The following TCF12 variants were observed in gnomAD, a reference collection of about 807,000 sequenced individuals.
TCF12 encodes DNA-binding protein HTF4.
A neutral mutation model predicts 86.0 loss-of-function variants in TCF12; 45 were observed. That is an observed-to-expected ratio of 0.52 (90% confidence interval 0.41 to 0.67). The LOEUF is 0.67. Among genes scored for constraint, TCF12 ranks in the 30% least tolerant of loss-of-function variants. TCF12 has a pLI of 0.00. For missense variants in TCF12, 881 were observed against 859.9 expected (o/e 1.02, Z -0.31); for synonymous variants, 330 against 299.6 (o/e 1.10, Z -1.05).
At chr15:57,244,924 T>C (rs1380952276) in intron 13 of TCF12, among the ~76,000 whole-genome samples, 1 of 152,198 alleles carries the variant, frequency 6.6e-6, no homozygotes, top group Non-Finnish European at 1.5e-5. Context: ...TTTAATATCT[T>C]TTAAGCTATA....
chr15:57,251,474 T>G, intron 14 of TCF12, 51 bp downstream of exon 14: 1 of 1,574,836 alleles, frequency 6.3e-7, no homozygotes, highest in Non-Finnish European at 8.7e-7. Context: ...AGTTTGTTTG[T>G]TTTTGGTCAA....
At chr15:57,233,841 G>A (rs1270629475) in intron 11 of TCF12, among the ~76,000 whole-genome samples, 1 of 152,124 alleles carries the variant, frequency 6.6e-6, no homozygotes, top group East Asian at 1.9e-4. Flanking sequence ...AAGACAAGAA[G>A]CTTTTTTATT....
intron 3 of TCF12, among the ~76,000 whole-genome samples, chr15:57,044,302 C>T (rs1226348465): frequency 6.6e-6 from 1 of 152,078 alleles, no homozygotes; most frequent in Non-Finnish European, 1.5e-5. Flanking sequence ...TGGGTCACAC[C>T]TGTAATCCCA....
At chr15:57,097,546 A>G (rs1307892553) in intron 5 of TCF12, among the ~76,000 whole-genome samples, 1 of 152,050 alleles carries the variant, frequency 6.6e-6, no homozygotes, top group East Asian at 1.9e-4. Context: ...ATAAAAAATA[A>G]AAAAAGATAT....
intron 16 of TCF12, among the ~76,000 whole-genome samples, chr15:57,254,315 G>A (rs966614531): frequency 6.6e-6 from 1 of 152,132 alleles, no homozygotes; most frequent in South Asian, 2.1e-4. Context: ...CTGTAAGATA[G>A]GGTTGGTTCC....
At chr15:56,964,791 A>G (rs1433782354) in intron 3 of TCF12, among the ~76,000 whole-genome samples, 1 of 152,204 alleles carries the variant, frequency 6.6e-6, no homozygotes, top group Non-Finnish European at 1.5e-5. Flanking sequence ...ATACCTGGTA[A>G]CAACTAGTTG....
At chr15:57,101,310 A>G (rs1472548631) in intron 5 of TCF12, among the ~76,000 whole-genome samples, 1 of 152,052 alleles carries the variant, frequency 6.6e-6, no homozygotes, top group Non-Finnish European at 1.5e-5. Flanking sequence ...GGCTCCAGTG[A>G]TCCTCCCACT....
In TCF12 at chr15:56,983,253, G is replaced by C. The variant is rs531088707; in HGVS notation, c.148+62155G>C. Among the ~76,000 whole-genome samples the C allele has an allele frequency of 7.9e-5, 12 of 152,292 alleles. No individual in the cohort carries two copies. In the South Asian group the frequency reaches 2.5e-3, roughly 32 times the overall value. On this transcript the variant is annotated intron_variant, in intron 3 of 20. Transcript: ENST00000333725. ...CCACTGTAAGCCTCTCTTGGCAAAA[G>C]AGAGATTGGTAACTATTAGAGAGAG...
At chr15:57,082,066 T>C (rs2048350606) in intron 4 of TCF12, among the ~76,000 whole-genome samples, 1 of 152,250 alleles carries the variant, frequency 6.6e-6, no homozygotes, top group Admixed American at 6.5e-5. Flanking sequence ...TTCACTATTA[T>C]ACTTTTAATT....
intron 3 of TCF12, among the ~76,000 whole-genome samples, chr15:57,013,341 T>C (rs2064952992): frequency 6.6e-6 from 1 of 152,152 alleles, no homozygotes; most frequent in South Asian, 2.1e-4. Context: ...TACTGAGTCT[T>C]GCTCTGTCAC....
intron 3 of TCF12, among the ~76,000 whole-genome samples, chr15:57,040,753 C>T (rs576216365): frequency 5.9e-5 from 9 of 152,120 alleles, no homozygotes; most frequent in Non-Finnish European, 1.3e-4. Context: ...TTGAATTTTC[C>T]TAATTATACT....
chr15:57,170,772 ATATATAATATATATATATAAT>A, intron 6 of TCF12, among the ~76,000 whole-genome samples: 1 of 2,396 alleles, frequency 4.2e-4, no homozygotes, highest in Non-Finnish European at 2.4e-3. Flanking sequence ...TATATATATT[ATATATAATATATATATATAAT>A]ATATATATAT....
intron 3 of TCF12, among the ~76,000 whole-genome samples, chr15:57,063,119 A>G (rs1364138700): frequency 6.6e-6 from 1 of 152,232 alleles, no homozygotes; most frequent in Non-Finnish European, 1.5e-5. Flanking sequence ...CCACCTTCAT[A>G]AGAGTGGAAC....
intron 3 of TCF12, among the ~76,000 whole-genome samples, chr15:57,003,969 A>G (rs2064198100): frequency 1.3e-5 from 2 of 152,196 alleles, no homozygotes; most frequent in African/African-American, 4.8e-5. Flanking sequence ...CGGGCTTCTT[A>G]CATGGTAGTG....
At chr15:57,053,714 T>G (rs1377334754) in intron 3 of TCF12, among the ~76,000 whole-genome samples, 1 of 152,040 alleles carries the variant, frequency 6.6e-6, no homozygotes, top group Non-Finnish European at 1.5e-5. Context: ...GTAGTAGAGT[T>G]GAGTAGTTGG....
Position 57,115,907 on chromosome 15 carries a change from T to C in TCF12, c.325+24016T>C, listed in dbSNP as rs559729974. 2.0e-5 allele frequency among the ~76,000 whole-genome samples: 3 copies of C among 152,308 alleles called. 1 individual carries two copies. In the South Asian group the frequency reaches 6.2e-4, roughly 32 times the overall value. ...GAGAGAAGAGGAAAACAAAGATGTA[T>C]TTCTTCCAGGCCTTAACTCAGAAAA... On this transcript the variant is annotated intron_variant, in intron 5 of 20. Coordinates refer to ENST00000333725, the MANE Select transcript of TCF12 (RefSeq NM_207037.2).
intron 3 of TCF12, among the ~76,000 whole-genome samples, chr15:56,936,712 C>A (rs942381219): frequency 3.3e-5 from 5 of 152,080 alleles, no homozygotes; most frequent in African/African-American, 1.2e-4. Flanking sequence ...TCCAATTATC[C>A]CAGCACCATT....
chr15:57,066,260 A>G (rs1175385180), intron 4 of TCF12, among the ~76,000 whole-genome samples: 1 of 152,154 alleles, frequency 6.6e-6, no homozygotes, highest in African/African-American at 2.4e-5. Context: ...AATGGGTATA[A>G]TTGTGTTGAT....
chr15:57,053,956 G>A (rs1004672150), intron 3 of TCF12, among the ~76,000 whole-genome samples: 1 of 152,200 alleles, frequency 6.6e-6, no homozygotes, highest in African/African-American at 2.4e-5. Flanking sequence ...GTGTGATCCA[G>A]AAGATGATAG....
Sources: allele counts gnomAD v4.1 joint callset (sites outside exome capture counted in the v4.1 genomes callset), GRCh38; gene constraint gnomAD v4.1.1; transcripts MANE v1.5; gene names NCBI Gene and HGNC (gene_info 2026-07-23, HGNC 2026-07-21).